The following NALF1 variants were observed in gnomAD, a reference collection of about 807,000 sequenced individuals.
NALF1 encodes the protein NALCN channel auxiliary factor 1, also known as family with sequence similarity 155 member A.
NALF1 carries 3 observed loss-of-function variants against 48.4 expected under a neutral mutation model. That is an observed-to-expected ratio of 0.06 (90% confidence interval 0.03 to 0.16). The LOEUF (loss-of-function observed/expected upper bound fraction) is 0.16, where lower values mean the gene tolerates loss of function less well. Among genes scored for constraint, NALF1 ranks in the 10% least tolerant of loss-of-function variants. The pLI is 1.00. For synonymous variants in NALF1, 262 were observed against 245.7 expected, an observed-to-expected ratio of 1.07 and a Z score of -0.62; for missense variants, 526 against 571.5, an observed-to-expected ratio of 0.92 and a Z score of 0.81.
Position 107,561,222 on chromosome 13 carries a change from G to A in NALF1, c.915+304460C>T, listed in dbSNP as rs185759309. 1.4e-3 allele frequency among the ~76,000 whole-genome samples: 206 copies of A among 152,222 alleles called. 3 individuals carry two copies. The highest frequency in any genetic ancestry group is 4.3e-3 in the African/African-American group (180 of 41,534). On this transcript the variant is annotated intron_variant, in intron 1 of 2. Coordinates refer to ENST00000375915, the MANE Select transcript of NALF1 (RefSeq NM_001080396.3). ...ATATTGCAATTTTAACAAATATCCCGAAGATTTCCCCTGTTCTGATGGAGA... is the reference window on the plus strand; with the variant it reads ...ATATTGCAATTTTAACAAATATCCCAAAGATTTCCCCTGTTCTGATGGAGA...
intron 1 of NALF1, among the ~76,000 whole-genome samples, chr13:107,422,001 T>G (rs115858784): frequency 0.016 from 2,456 of 152,216 alleles, 65 homozygotes; most frequent in African/African-American, 0.056. Context: ...CTTTTGGCAT[T>G]CTATTCCTTG....
At chr13:107,665,961 A>C (rs1031508898) in intron 1 of NALF1, among the ~76,000 whole-genome samples, 18 of 152,136 alleles carry the variant, frequency 1.2e-4, no homozygotes, top group African/African-American at 3.6e-4. Context: ...AACTGAATAA[A>C]ACTTGATGTT....
chr13:107,250,048 G>C (rs999307216), intron 1 of NALF1, among the ~76,000 whole-genome samples: 4 of 150,916 alleles, frequency 2.7e-5, no homozygotes, highest in Non-Finnish European at 5.9e-5. Flanking sequence ...TAGAGAATCT[G>C]TTGATTCTCT....
At chr13:107,196,468 T>C (rs1290860311) in intron 2 of NALF1, among the ~76,000 whole-genome samples, 1 of 151,942 alleles carries the variant, frequency 6.6e-6, no homozygotes, top group Non-Finnish European at 1.5e-5. Flanking sequence ...AATGGAAAAA[T>C]AAACTGATAT....
At chr13:107,686,875 G>C (rs1181793997) in intron 1 of NALF1, among the ~76,000 whole-genome samples, 1 of 152,132 alleles carries the variant, frequency 6.6e-6, no homozygotes, top group Non-Finnish European at 1.5e-5. Flanking sequence ...TTCAACCCCA[G>C]TGGAAAACAG....
chr13:107,438,606 A>G (rs1884500520), intron 1 of NALF1, among the ~76,000 whole-genome samples: 1 of 151,934 alleles, frequency 6.6e-6, no homozygotes, highest in Non-Finnish European at 1.5e-5. Flanking sequence ...GATCAAGACC[A>G]TCCTGGCTAA....
At chr13:107,478,186 A>C (rs1486138872) in intron 1 of NALF1, among the ~76,000 whole-genome samples, 1 of 152,136 alleles carries the variant, frequency 6.6e-6, no homozygotes, top group Non-Finnish European at 1.5e-5. Flanking sequence ...TTGCTTCATC[A>C]TGATCCTTCA....
intron 1 of NALF1, among the ~76,000 whole-genome samples, chr13:107,771,114 T>C (rs953783550): frequency 4.6e-5 from 7 of 152,244 alleles, no homozygotes; most frequent in African/African-American, 1.7e-4. Context: ...AGATTAAATT[T>C]GCATTATGTT....
At chr13:107,659,692 T>C (rs1331376458) in intron 1 of NALF1, among the ~76,000 whole-genome samples, 1 of 151,988 alleles carries the variant, frequency 6.6e-6, no homozygotes, top group Non-Finnish European at 1.5e-5. Context: ...CTTTTAAATT[T>C]ATAAATGACA....
At chr13:107,586,203 C>A (rs1179257055) in intron 1 of NALF1, among the ~76,000 whole-genome samples, 1 of 152,174 alleles carries the variant, frequency 6.6e-6, no homozygotes, top group Non-Finnish European at 1.5e-5. Context: ...TGGTTTGAAT[C>A]TGCAGCTTCA....
chr13:107,432,164 G>A (rs1884393850), intron 1 of NALF1, among the ~76,000 whole-genome samples: 1 of 152,084 alleles, frequency 6.6e-6, no homozygotes, highest in African/African-American at 2.4e-5. Context: ...ATCTCACTTG[G>A]CAGGAGCCGG....
chr13:107,339,746 A>T (rs1019348774), intron 1 of NALF1, among the ~76,000 whole-genome samples: 1 of 152,208 alleles, frequency 6.6e-6, no homozygotes, highest in African/African-American at 2.4e-5. Flanking sequence ...CCATTTCTCC[A>T]TTAAGGCAAA....
At chr13:107,821,530 C>T (rs935522176) in intron 1 of NALF1, among the ~76,000 whole-genome samples, 5 of 152,060 alleles carry the variant, frequency 3.3e-5, no homozygotes, top group African/African-American at 7.2e-5. Flanking sequence ...TAGTCTATTA[C>T]GGAGAAAAAT....
chr13:107,805,959 T>G (rs1232639117), intron 1 of NALF1, among the ~76,000 whole-genome samples: 1 of 152,230 alleles, frequency 6.6e-6, no homozygotes, highest in Admixed American at 6.5e-5. Context: ...AAAAAAGTGT[T>G]GCCTTAAATA....
chr13:107,457,008 C>T (rs1884835293), intron 1 of NALF1, among the ~76,000 whole-genome samples: 1 of 152,060 alleles, frequency 6.6e-6, no homozygotes, highest in South Asian at 2.1e-4. Flanking sequence ...ATTCATATGG[C>T]ATCTGTTGAT....
chr13:107,534,360 A>G (rs551646126), intron 1 of NALF1, among the ~76,000 whole-genome samples: 280 of 152,280 alleles, frequency 1.8e-3, no homozygotes, highest in African/African-American at 6.6e-3. Context: ...TTCCTCTAAG[A>G]AAAACTATTT....
intron 1 of NALF1, among the ~76,000 whole-genome samples, chr13:107,503,533 G>T (rs1048058645): frequency 1.3e-5 from 2 of 152,124 alleles, no homozygotes; most frequent in African/African-American, 2.4e-5. Context: ...TTATTAAAAA[G>T]AATATGGAGG....
chr13:107,284,794 A>C (rs979788545), intron 1 of NALF1, among the ~76,000 whole-genome samples: 3 of 152,194 alleles, frequency 2.0e-5, no homozygotes, highest in Non-Finnish European at 4.4e-5. Context: ...GCAGCTGCCT[A>C]CGTGCCAGAA....
intron 1 of NALF1, among the ~76,000 whole-genome samples, chr13:107,782,421 C>T (rs1327635797): frequency 4.6e-5 from 7 of 152,268 alleles, no homozygotes; most frequent in Admixed American, 6.5e-5. Flanking sequence ...ACCTCCCAGC[C>T]GCCTGCCTTG....
Sources: allele counts gnomAD v4.1 joint callset (sites outside exome capture counted in the v4.1 genomes callset), GRCh38; gene constraint gnomAD v4.1.1; transcripts MANE v1.5; gene names NCBI Gene and HGNC (gene_info 2026-07-23, HGNC 2026-07-21).